DOCK3: variants seen among roughly 807,000 people sequenced by gnomAD.
DOCK3 encodes the protein dedicator of cytokinesis 3.
Under a neutral mutation model 265.6 loss-of-function variants are expected in DOCK3, and 60 were observed. The ratio of observed to expected loss-of-function variants is 0.23; its 90% CI spans 0.18 to 0.28. The LOEUF (loss-of-function observed/expected upper bound fraction) is 0.28, where lower values mean the gene tolerates loss of function less well. Among genes scored for constraint, DOCK3 ranks in the 10% least tolerant of loss-of-function variants. DOCK3 has a pLI of 1.00. For missense variants in DOCK3, 1,981 were observed against 2,594.3 expected (o/e 0.76, Z 5.14); for synonymous variants, 881 against 938.0 (o/e 0.94, Z 1.11).
intron 1 of DOCK3, among the ~76,000 whole-genome samples, chr3:50,691,051 G>A (rs1031267514): frequency 6.6e-6 from 1 of 151,890 alleles, no homozygotes; most frequent in Non-Finnish European, 1.5e-5. Context: ...GGGAGGCTGA[G>A]GCAGGTGGAT....
chr3:50,682,330 C>T (rs2034469558), intron 1 of DOCK3, among the ~76,000 whole-genome samples: 1 of 152,198 alleles, frequency 6.6e-6, no homozygotes, highest in South Asian at 2.1e-4. Context: ...CCGCCATGTC[C>T]CAGGACCATT....
At chr3:51,368,656 G>A (rs1482179515) in intron 49 of DOCK3, among the ~76,000 whole-genome samples, 2 of 152,262 alleles carry the variant, frequency 1.3e-5, no homozygotes. Context: ...AAAGGCAGCA[G>A]AAACTTCTGC....
At chr3:51,235,368 G>C (rs537956254) in intron 19 of DOCK3, among the ~76,000 whole-genome samples, 1 of 152,312 alleles carries the variant, frequency 6.6e-6, no homozygotes, top group Admixed American at 6.5e-5. Flanking sequence ...ATATTCCTGA[G>C]AAGAGAACAT....
intron 12 of DOCK3, among the ~76,000 whole-genome samples, chr3:51,206,722 G>A (rs1435574333): frequency 6.6e-6 from 1 of 152,138 alleles, no homozygotes; most frequent in African/African-American, 2.4e-5. Context: ...CCTCTAACCT[G>A]TGATGGGCAT....
At chr3:51,083,420 G>A (rs1047928319) in intron 7 of DOCK3, among the ~76,000 whole-genome samples, 1 of 151,914 alleles carries the variant, frequency 6.6e-6, no homozygotes, top group African/African-American at 2.4e-5. Flanking sequence ...TCCAAACAAA[G>A]ACAATAATTC....
chr3:50,745,159 T>TCTCA (rs1334037400), intron 1 of DOCK3, among the ~76,000 whole-genome samples: 2 of 152,058 alleles, frequency 1.3e-5, no homozygotes, highest in African/African-American at 4.8e-5. Flanking sequence ...TGCTCTCCTG[T>TCTCA]CTCAGCCTCC....
chr3:50,946,709 T>C (rs1459772035), intron 5 of DOCK3, among the ~76,000 whole-genome samples: 1 of 152,202 alleles, frequency 6.6e-6, no homozygotes, highest in Non-Finnish European at 1.5e-5. Context: ...AATGCCATTG[T>C]TTTGCTTGTA....
intron 1 of DOCK3, among the ~76,000 whole-genome samples, chr3:50,739,314 T>C (rs2038860714): frequency 6.6e-6 from 1 of 152,172 alleles, no homozygotes; most frequent in Admixed American, 6.5e-5. Flanking sequence ...CTTCCTTAAC[T>C]GTGTTTATTT....
At chr3:50,959,091 C>T (rs1034097586) in intron 5 of DOCK3, among the ~76,000 whole-genome samples, 1 of 152,164 alleles carries the variant, frequency 6.6e-6, no homozygotes, top group Non-Finnish European at 1.5e-5. Flanking sequence ...CATTTCAAAC[C>T]ATTAATCTGC....
chr3:51,295,777 G>A lies in DOCK3; in HGVS notation c.2923-14455G>A, dbSNP rs190392346. Among the ~76,000 whole-genome samples the A allele has an allele frequency of 1.6e-4, 24 of 151,862 alleles. No individual in the cohort carries two copies. The East Asian group carries it at 3.5e-3, about 22-fold the overall frequency. On this transcript the variant is annotated intron_variant, in intron 27 of 52. Coordinates refer to ENST00000266037, the MANE Select transcript of DOCK3 (RefSeq NM_004947.5). ...GAGAGTCTAGCTGGGGCAATAAGGCGTTGGGGGGTGGGGGGTAACCCTTCA... is the reference window on the plus strand; with the variant it reads ...GAGAGTCTAGCTGGGGCAATAAGGCATTGGGGGGTGGGGGGTAACCCTTCA...
rs549219249 is a variant in DOCK3, at chr3:51,035,946, C to T, written c.316-28502C>T. Among the ~76,000 whole-genome samples, 200 of 152,226 alleles carry T rather than the reference C, an allele frequency of 1.3e-3. 1 individual carries two copies. Among genetic ancestry groups the T allele is most frequent in the African/African-American group, 4.6e-3 (190 of 41,546 alleles). On this transcript the variant is annotated intron_variant, in intron 5 of 52. Coordinates refer to ENST00000266037, the MANE Select transcript of DOCK3 (RefSeq NM_004947.5). Reference sequence around the variant, plus strand: ...TCCTTTTTAGTATTTTTTCTCCCCTCACTAGTGCCCTGGTTGCCTATAATC... The same window carrying T: ...TCCTTTTTAGTATTTTTTCTCCCCTTACTAGTGCCCTGGTTGCCTATAATC...
chr3:51,063,928 A>G (rs1436725049), intron 5 of DOCK3, among the ~76,000 whole-genome samples: 1 of 152,200 alleles, frequency 6.6e-6, no homozygotes, highest in Non-Finnish European at 1.5e-5. Context: ...TAATTAGAAA[A>G]TCAGATGAGG....
intron 5 of DOCK3, among the ~76,000 whole-genome samples, chr3:51,005,590 C>T (rs1442639493): frequency 6.6e-6 from 1 of 152,150 alleles, no homozygotes; most frequent in Admixed American, 6.6e-5. Flanking sequence ...TGGTATTTAT[C>T]TCAATGGTTT....
intron 39 of DOCK3, among the ~76,000 whole-genome samples, chr3:51,349,284 G>A (rs1242664311): frequency 6.6e-6 from 1 of 152,184 alleles, no homozygotes; most frequent in Admixed American, 6.5e-5. Context: ...ATCTTTTTAA[G>A]AGCTTTCCCC....
chr3:51,075,812 A>G (rs1443003967), intron 7 of DOCK3, among the ~76,000 whole-genome samples: 1 of 152,218 alleles, frequency 6.6e-6, no homozygotes, highest in African/African-American at 2.4e-5. Context: ...GAGCCTGGAA[A>G]TAATGTACTA....
chr3:51,222,637 C>G lies in DOCK3; in HGVS notation c.1253-3012C>G, dbSNP rs138544895. Among the ~76,000 whole-genome samples the G allele has an allele frequency of 1.6e-3, 247 of 152,270 alleles. 1 individual carries two copies. Among genetic ancestry groups the G allele is most frequent in the Admixed American group, 6.5e-3 (99 of 15,292 alleles). ...CTGACTGAGAATAGTTCTAGTCTAGCTAGGCAGGTCTGTTCTCCAAATAAA... is the reference window on the plus strand; with the variant it reads ...CTGACTGAGAATAGTTCTAGTCTAGGTAGGCAGGTCTGTTCTCCAAATAAA... On this transcript the variant is annotated intron_variant, in intron 14 of 52. Coordinates refer to ENST00000266037, the MANE Select transcript of DOCK3 (RefSeq NM_004947.5).
At chr3:50,759,936 T>C (rs2040423894) in intron 1 of DOCK3, among the ~76,000 whole-genome samples, 1 of 152,064 alleles carries the variant, frequency 6.6e-6, no homozygotes, top group African/African-American at 2.4e-5. Flanking sequence ...TTATCAGATA[T>C]ATGATTTAAA....
At chr3:51,337,110 G>A (rs1167125208) in intron 35 of DOCK3, among the ~76,000 whole-genome samples, 1 of 152,194 alleles carries the variant, frequency 6.6e-6, no homozygotes, top group African/African-American at 2.4e-5. Context: ...TATCTTACGT[G>A]GTGAATGTGC....
At chr3:51,110,936 ATC>A (rs2083485094) in intron 9 of DOCK3, among the ~76,000 whole-genome samples, 1 of 152,172 alleles carries the variant, frequency 6.6e-6, no homozygotes, top group Non-Finnish European at 1.5e-5. Context: ...AAACCCCATA[ATC>A]TCGGCCCAAA....
Sources: allele counts gnomAD v4.1 joint callset (sites outside exome capture counted in the v4.1 genomes callset), GRCh38; gene constraint gnomAD v4.1.1; transcripts MANE v1.5; gene names NCBI Gene and HGNC (gene_info 2026-07-23, HGNC 2026-07-21).